Variants in CCDC88B observed in about 807,000 individuals in gnomAD.
The protein encoded by CCDC88B is coiled-coil and HOOK domain protein 88B.
In CCDC88B, 138 loss-of-function variants were observed where a neutral mutation model predicts 183.7. The observed-to-expected ratio is 0.75, with a 90% confidence interval of 0.65 to 0.87. CCDC88B has a LOEUF of 0.87. CCDC88B is among the 40% of genes least tolerant of loss of function. The probability of loss-of-function intolerance (pLI) is 0.00; values close to 1 mark genes in which losing one functional copy is unlikely to be tolerated. For missense variants in CCDC88B, 1,822 were observed against 1,965.6 expected (o/e 0.93, Z 1.38); for synonymous variants, 835 against 867.5 (o/e 0.96, Z 0.66).
intron 14 of CCDC88B, chr11:64,348,752 G>T: frequency 2.0e-6 from 1 of 493,632 alleles, no homozygotes; most frequent in Non-Finnish European, 3.6e-6. Context: ...CCTCCCTCTG[G>T]GGCACACAGG....
rs1283671132 is a variant in CCDC88B, at chr11:64,357,092, T to G, written c.4429T>G (p.Ter1477GlyextTer97). The G allele has an allele frequency of 6.2e-7, 1 of 1,612,734 alleles. No homozygotes were observed. The highest frequency in any genetic ancestry group is 1.3e-5 in the African/African-American group (1 of 74,862). Residue 1477 changes from the stop codon to glycine, a stop_lost, in exon 27 of 27, where the codon TGA becomes GGA. Coordinates refer to ENST00000356786, the MANE Select transcript of CCDC88B (RefSeq NM_032251.6). Reference sequence around the variant, plus strand: ...TCCCCTCACCCCATCCCTCAGCCAGTGACACCGTGGGAACAGCAGGCTTGG... The same window carrying G: ...TCCCCTCACCCCATCCCTCAGCCAGGGACACCGTGGGAACAGCAGGCTTGG... The part of the protein sequence containing the change: ...KRPLTPSLSQ[*>G]
At position 64,353,423 on chromosome 11, in the gene CCDC88B, C is replaced by G; in HGVS notation, c.3760C>G (p.Arg1254Gly). 6.2e-7 allele frequency: 1 copy of G among 1,613,304 alleles called. No homozygotes were observed. Among genetic ancestry groups the G allele is most frequent in the Non-Finnish European group, 8.5e-7 (1 of 1,179,968 alleles). Reference protein sequence around the residue: ...QLLAEVQALSRENRELLERSL... With the variant: ...QLLAEVQALSGENRELLERSL... ...GCTGGCTGAAGTTCAGGCCCTGAGC[C>G]GGGAGAACAGGGAGCTCCTGGAGCG... The change falls in exon 22 of 27, where the codon CGG (arginine) becomes GGG (glycine). Residue 1254 changes from arginine to glycine, a missense_variant. Arg to Gly is a moderately radical substitution (Grantham distance 125, BLOSUM62 -2). Coordinates refer to ENST00000356786, the MANE Select transcript of CCDC88B (RefSeq NM_032251.6).
At chr11:64,354,709 C>T (rs1315005795) in intron 24 of CCDC88B, among the ~76,000 whole-genome samples, 3 of 101,426 alleles carry the variant, frequency 3.0e-5, no homozygotes, top group Non-Finnish European at 6.1e-5. Flanking sequence ...CCTCTGACCC[C>T]TCCCCTGCAT....
At position 64,354,089 on chromosome 11, in the gene CCDC88B, G is replaced by T. The variant is rs772978513; in HGVS notation, c.4018G>T (p.Ala1340Ser). ...CCCCCCTGGGGGGCTGCGCCTGGGG[G>T]CCGATGGGGCTGGCAGCACCGAGAG... ...GGPPGGLRLG[A>S]DGAGSTESLG... Residue 1340 changes from alanine to serine, a missense_variant, in exon 24 of 27, where the codon GCC becomes TCC. By Grantham distance (99) the Ala-to-Ser change is moderately conservative. Coordinates refer to ENST00000356786, the MANE Select transcript of CCDC88B (RefSeq NM_032251.6). The T allele has an allele frequency of 7.0e-7, 1 of 1,422,594 alleles. No individual in the cohort carries two copies. Among genetic ancestry groups the T allele is most frequent in the East Asian group, 2.5e-5 (1 of 40,428 alleles). 88.1% of individuals were successfully genotyped at this position (1,422,594 alleles called of 1,614,324 possible).
At chr11:64,349,265 C>A in intron 14 of CCDC88B, 66 bp from the exon 15 acceptor site, 2 of 1,488,306 alleles carry the variant, frequency 1.3e-6, no homozygotes, top group Non-Finnish European at 1.8e-6. Context: ...GCTCTCTTGA[C>A]TCTCAGGCCT....
At chr11:64,348,221 C>A (rs975528772) in intron 14 of CCDC88B, among the ~76,000 whole-genome samples, 2 of 150,442 alleles carry the variant, frequency 1.3e-5, no homozygotes, top group Non-Finnish European at 3.0e-5. Flanking sequence ...CTGGAAGAGC[C>A]GGCTCCAAGG....
rs759521744 is a variant in CCDC88B at position 64,341,480 on chromosome 11, C to A, written c.507C>A (p.Ser169Arg). 1.2e-6 allele frequency: 2 copies of A among 1,613,860 alleles called. No homozygotes were observed. The highest frequency in any genetic ancestry group is 1.7e-5 in the Admixed American group (1 of 60,024). ...HIQGLSLEVQ[S>R]ELAAAIQEVT... ...AGGGCCTCAGTCTCGAGGTCCAGAG[C>A]GAGCTGGCCGCTGCCATCCAGGAGG... The change falls in exon 6 of 27, where the codon AGC becomes AGA. Residue 169 changes from serine (S) to arginine (R), a missense_variant. Physicochemically the swap from Ser to Arg is moderately radical, Grantham distance 110. Coordinates refer to ENST00000356786, the MANE Select transcript of CCDC88B (RefSeq NM_032251.6).
intron 8 of CCDC88B, 27 bp downstream of exon 8, chr11:64,342,166 ACT>A: frequency 6.2e-7 from 1 of 1,602,686 alleles, no homozygotes; most frequent in Non-Finnish European, 8.5e-7. Flanking sequence ...TGGGAAGGGG[ACT>A]GAGTGGAGAG....
At chr11:64,342,445 C>G in intron 9 of CCDC88B, 70 bp downstream of exon 9, 1 of 1,544,342 alleles carries the variant, frequency 6.5e-7, no homozygotes, top group Admixed American at 2.0e-5. Context: ...TTGCCTCCCT[C>G]CCAACCCGGC....
At chr11:64,348,221 C>T (rs975528772) in intron 14 of CCDC88B, among the ~76,000 whole-genome samples, 2 of 150,558 alleles carry the variant, frequency 1.3e-5, no homozygotes, top group Non-Finnish European at 1.5e-5. Flanking sequence ...CTGGAAGAGC[C>T]GGCTCCAAGG....
chr11:64,343,050 A>C (rs1377892467), intron 10 of CCDC88B, 129 bp from the exon 11 acceptor site: 1 of 1,045,702 alleles, frequency 9.6e-7, no homozygotes, highest in Non-Finnish European at 1.3e-6. Context: ...GGGCCTAGAG[A>C]CTGATGGGGT....
At chr11:64,356,656 C>G (rs2036555617) in intron 26 of CCDC88B, 2 of 298,572 alleles carry the variant, frequency 6.7e-6, no homozygotes, top group Admixed American at 9.0e-5. Flanking sequence ...TTAGCTCCGC[C>G]CTGGGCAGCT....
Position 64,354,054 on chromosome 11 carries a change from G to A in CCDC88B, c.3983G>A (p.Arg1328Gln), listed in dbSNP as rs777963230. Residue 1328 changes from arginine to glutamine, a missense_variant, in exon 24 of 27, where the codon CGG becomes CAG. Transcript: ENST00000356786. ...DKVKRLMRPR[R>Q]EGGPPGGLRL... Reference sequence around the variant, plus strand: ...GTGAAGAGGCTGATGCGGCCCCGGCGGGAGGGGGGCCCCCCTGGGGGGCTG... The same window carrying A: ...GTGAAGAGGCTGATGCGGCCCCGGCAGGAGGGGGGCCCCCCTGGGGGGCTG... The A allele has an allele frequency of 1.1e-5, 16 of 1,448,254 alleles. No individual in the cohort carries two copies. The East Asian group carries it at 1.7e-4, about 15-fold the overall frequency. 89.7% of individuals were successfully genotyped at this position (1,448,254 alleles called of 1,614,324 possible). A position where few individuals can be genotyped will look rare whatever the true frequency, so the allele number is the denominator to read the frequency against.
At position 64,357,142 on chromosome 11, in the gene CCDC88B, G is replaced by C; in HGVS notation, c.*48G>C. 6.2e-7 allele frequency: 1 copy of C among 1,609,366 alleles called. No individual in the cohort carries two copies. The highest frequency in any genetic ancestry group is 8.5e-7 in the Non-Finnish European group (1 of 1,175,876). ...GGAGTGCAGCCTTCTCGGCACTGGA[G>C]TGTCAGCGGAGGCCCCAGGCAGCCC... is the stretch of plus-strand genomic sequence containing the variant. On this transcript the variant is annotated 3_prime_UTR_variant, in exon 27 of 27. Transcript: ENST00000356786.
Position 64,353,738 on chromosome 11 carries a change from G to T in CCDC88B, c.3857G>T (p.Arg1286Leu), listed in dbSNP as rs199590555. ...EYLDQLNALRREKQKLVEKIM... is the reference protein window; with the variant it reads ...EYLDQLNALRLEKQKLVEKIM... The stretch of plus-strand genomic sequence containing the variant: ...AGGGACCAGCTTAATGCCCTGCGCC[G>T]CGAGAAGCAGAAGCTCGTGGAGAAG... The change falls in exon 23 of 27, where the codon CGC (arginine) becomes CTC (leucine). Residue 1286 changes from arginine (R) to leucine (L), a missense_variant. Arg to Leu is a moderately radical substitution (Grantham distance 102). Coordinates refer to ENST00000356786, the MANE Select transcript of CCDC88B (RefSeq NM_032251.6). 8.9e-5 allele frequency: 143 copies of T among 1,614,088 alleles called. No individual in the cohort carries two copies. The highest frequency in any genetic ancestry group is 8.5e-6 in the Non-Finnish European group (10 of 1,179,970).
Position 64,343,206 on chromosome 11 carries a change from G to T in CCDC88B, c.1090G>T (p.Glu364Ter). The change falls in exon 11 of 27, where the codon GAG becomes TAG. Residue 364 changes from glutamate to a stop codon, truncating the protein, a stop_gained. Coordinates refer to ENST00000356786, the MANE Select transcript of CCDC88B (RefSeq NM_032251.6). LOFTEE classifies it high-confidence loss of function. ...EEERVLSGVL[E>*]ASKALLEEQL... The stretch of plus-strand genomic sequence containing the variant: ...GGAGCGGGTGCTCTCGGGGGTGCTG[G>T]AGGCGTCCAAGGCGCTGCTGGAAGA... 1 of 1,542,170 alleles carries T rather than the reference G, an allele frequency of 6.5e-7. No homozygotes were observed.
In CCDC88B at chr11:64,342,128, G is replaced by A. The variant is rs750700862; in HGVS notation, c.810G>A (p.Leu270=). 10 of 1,608,942 alleles carry A rather than the reference G, an allele frequency of 6.2e-6. No individual in the cohort carries two copies. In the East Asian group the frequency reaches 2.2e-4, roughly 36 times the overall value. ...ACGCCAAGGCTCAGCTGCGGCGTCT[G>A]CGGCAGGAGCTGTGAGTGTGCGCAG... The part of the protein sequence containing the change: ...LANAKAQLRR[L]RQELEEKAEL... The change falls in exon 8 of 27, where the codon CTG becomes CTA. Residue 270 remains leucine (L), a synonymous_variant. Transcript: ENST00000356786.
rs551592420 is a variant in CCDC88B, at chr11:64,345,861, G to T, written c.2616+704G>T. ...GCCTCCATTAAAAATACAAAAATCA[G>T]CCAGGCGTGGTGGCAGGCACCTGTA... On this transcript the variant is annotated intron_variant, in intron 14 of 26. Transcript: ENST00000356786. 2.6e-5 allele frequency among the ~76,000 whole-genome samples: 4 copies of T among 152,266 alleles called. No individual in the cohort carries two copies. In the South Asian group the frequency reaches 8.3e-4, roughly 32 times the overall value.
intron 2 of CCDC88B, 72 bp from the exon 3 acceptor site, chr11:64,340,835 G>T: frequency 6.5e-7 from 1 of 1,542,620 alleles, no homozygotes. Flanking sequence ...TGCTCAGTGG[G>T]CGGGGCCTGA....
Sources: gnomAD v4.1 joint callset for allele counts (sites outside exome capture counted in the v4.1 genomes callset) on GRCh38, gnomAD v4.1.1 for gene constraint, MANE v1.5 for transcripts, NCBI Gene and HGNC (gene_info 2026-07-23, HGNC 2026-07-21) for gene names.